RALGPS1: variants seen among roughly 807,000 people sequenced by gnomAD.
RALGPS1 encodes the protein Ral GEF with PH domain and SH3 binding motif 1.
In RALGPS1, 19 loss-of-function variants were observed where a neutral mutation model predicts 78.8. The ratio of observed to expected loss-of-function variants is 0.24; its 90% CI spans 0.17 to 0.35. The LOEUF (loss-of-function observed/expected upper bound fraction) is 0.35, where lower values mean the gene tolerates loss of function less well. Among genes scored for constraint, RALGPS1 ranks in the 10% least tolerant of loss-of-function variants. The probability of loss-of-function intolerance (pLI) is 1.00; values close to 1 mark genes in which losing one functional copy is unlikely to be tolerated. For synonymous variants in RALGPS1, 228 were observed against 256.3 expected (o/e 0.89, Z 1.06); for missense variants, 454 against 688.3 (o/e 0.66, Z 3.81).
chr9:127,125,426 A>G (rs1318041047), intron 8 of RALGPS1, among the ~76,000 whole-genome samples: 1 of 152,190 alleles, frequency 6.6e-6, no homozygotes, highest in Non-Finnish European at 1.5e-5. Context: ...TCTCTCACTA[A>G]TCTCGGGCAA....
chr9:126,977,202 A>G (rs1421494618), intron 3 of RALGPS1, among the ~76,000 whole-genome samples: 3 of 152,198 alleles, frequency 2.0e-5, no homozygotes, highest in South Asian at 2.1e-4. Context: ...GCACTCTACC[A>G]TATAATTTAG....
intron 1 of RALGPS1, among the ~76,000 whole-genome samples, chr9:126,928,996 A>G (rs1196398465): frequency 6.6e-6 from 1 of 152,176 alleles, no homozygotes; most frequent in African/African-American, 2.4e-5. Flanking sequence ...TCATTAGAGA[A>G]TTATTGCATG....
intron 4 of RALGPS1, among the ~76,000 whole-genome samples, chr9:127,011,230 TG>T (rs1341628835): frequency 6.6e-6 from 1 of 151,676 alleles, no homozygotes; most frequent in Non-Finnish European, 1.5e-5. Context: ...CAGGCTGGAG[TG>T]CAGTGGCGTG....
chr9:126,990,688 C>T (rs944838169), intron 4 of RALGPS1, among the ~76,000 whole-genome samples: 3 of 152,242 alleles, frequency 2.0e-5, no homozygotes, highest in African/African-American at 7.2e-5. Flanking sequence ...TGCTCCCTCT[C>T]ATAGCCGCCT....
intron 8 of RALGPS1, among the ~76,000 whole-genome samples, chr9:127,089,625 G>T (rs1234515448): frequency 1.3e-5 from 2 of 152,194 alleles, no homozygotes; most frequent in Non-Finnish European, 2.9e-5. Context: ...GAATGACAAA[G>T]AAAGTGTTTA....
chr9:127,151,800 C>T lies in RALGPS1; in HGVS notation c.611-14269C>T, dbSNP rs372831411. Among the ~76,000 whole-genome samples the T allele has an allele frequency of 2.8e-4, 42 of 151,590 alleles. No individual in the cohort carries two copies. In the East Asian group the frequency reaches 3.3e-3, roughly 12 times the overall value. ...CCTGGAGCCTGATAAACTCTGAGTT[C>T]TATCCCTAGATACATTCTGGCTAAC... On this transcript the variant is annotated intron_variant, in intron 8 of 18. Coordinates refer to ENST00000259351, the MANE Select transcript of RALGPS1 (RefSeq NM_014636.3).
chr9:127,211,193 T>C lies in RALGPS1; in HGVS notation c.1248-938T>C, dbSNP rs2062232249. On this transcript the variant is annotated intron_variant, in intron 14 of 18. Transcript: ENST00000259351. The surrounding 1 kb of genome is among the most constrained non-coding windows in gnomAD (Gnocchi z 5.0). Reference sequence around the variant, plus strand: ...GAGCTGGAGCCACATCCAGCATGCATCATCCAGCAGGGGTGAGAATGGTGG... The same window carrying C: ...GAGCTGGAGCCACATCCAGCATGCACCATCCAGCAGGGGTGAGAATGGTGG... Among the ~76,000 whole-genome samples, 1 of 152,040 alleles carries C rather than the reference T, an allele frequency of 6.6e-6. No individual in the cohort carries two copies. The highest frequency in any genetic ancestry group is 1.5e-5 in the Non-Finnish European group (1 of 68,006).
chr9:127,116,582 G>C (rs902177351), intron 8 of RALGPS1, among the ~76,000 whole-genome samples: 2 of 152,150 alleles, frequency 1.3e-5, no homozygotes, highest in African/African-American at 4.8e-5. Context: ...CCTACAACTG[G>C]GAAAGCCCTA....
At chr9:127,081,090 C>T (rs1291500147) in intron 8 of RALGPS1, among the ~76,000 whole-genome samples, 1 of 152,212 alleles carries the variant, frequency 6.6e-6, no homozygotes, top group African/African-American at 2.4e-5. Flanking sequence ...ACAGTGCCTA[C>T]TGCTGGAATG....
At chr9:127,066,999 A>G (rs1327554523) in intron 7 of RALGPS1, among the ~76,000 whole-genome samples, 1 of 152,058 alleles carries the variant, frequency 6.6e-6, no homozygotes, top group Non-Finnish European at 1.5e-5. Context: ...TTTACTTACC[A>G]CATTGCTATA....
chr9:127,073,446 TTGTGTGTGTGTGTGTGTGTCTGTG>T (rs1237895998), intron 8 of RALGPS1, among the ~76,000 whole-genome samples: 1 of 88,538 alleles, frequency 1.1e-5, no homozygotes, highest in East Asian at 2.8e-4. Context: ...TAGTACACCA[TTGTGTGTGTGTGTGTGTGTCTGTG>T]TGTGTGTGTG....
At chr9:127,057,033 A>T (rs867022516) in intron 7 of RALGPS1, among the ~76,000 whole-genome samples, 1 of 152,122 alleles carries the variant, frequency 6.6e-6, no homozygotes, top group Non-Finnish European at 1.5e-5. Flanking sequence ...GTAGAGGAGG[A>T]AACTGAGGTT....
At chr9:127,004,686 A>C (rs2043667319) in intron 4 of RALGPS1, among the ~76,000 whole-genome samples, 1 of 152,196 alleles carries the variant, frequency 6.6e-6, no homozygotes, top group Admixed American at 6.5e-5. Flanking sequence ...ATCTTAGCTT[A>C]AGTTGGAAAA....
intron 8 of RALGPS1, chr9:127,069,626 A>G (rs536778298): frequency 4.0e-5 from 14 of 348,428 alleles, no homozygotes; most frequent in East Asian, 3.6e-4. Context: ...ATGGGTCACA[A>G]TGAGAGTGAT....
At chr9:127,161,655 A>G (rs908361534) in intron 8 of RALGPS1, among the ~76,000 whole-genome samples, 9 of 152,322 alleles carry the variant, frequency 5.9e-5, no homozygotes, top group Admixed American at 3.9e-4. Context: ...CAGTAGAGTC[A>G]TGAGCCCTTT....
intron 14 of RALGPS1, among the ~76,000 whole-genome samples, chr9:127,199,343 A>T (rs1010920323): frequency 2.0e-5 from 3 of 152,176 alleles, no homozygotes; most frequent in African/African-American, 7.2e-5. Flanking sequence ...GCCTGTGAGT[A>T]GATTTGGTCC....
At chr9:127,117,402 T>C (rs2055548701) in intron 8 of RALGPS1, among the ~76,000 whole-genome samples, 1 of 152,184 alleles carries the variant, frequency 6.6e-6, no homozygotes, top group African/African-American at 2.4e-5. Context: ...AGAACTTCAT[T>C]TGTATAATGT....
intron 14 of RALGPS1, among the ~76,000 whole-genome samples, chr9:127,208,272 C>A (rs2062040464): frequency 6.6e-6 from 1 of 152,214 alleles, no homozygotes; most frequent in Non-Finnish European, 1.5e-5. Flanking sequence ...ACTGACAAAT[C>A]CCAGGCAGCG....
At chr9:126,986,264 TG>T (rs1222666661) in intron 4 of RALGPS1, among the ~76,000 whole-genome samples, 1 of 152,248 alleles carries the variant, frequency 6.6e-6, no homozygotes, top group Non-Finnish European at 1.5e-5. Context: ...TGTCCCCTGG[TG>T]ACTCTAACGA....
Sources: gnomAD v4.1 joint callset for allele counts (sites outside exome capture counted in the v4.1 genomes callset) on GRCh38, gnomAD v4.1.1 for gene constraint, Gnocchi (gnomAD v3.1) non-coding constraint, MANE v1.5 for transcripts, NCBI Gene and HGNC (gene_info 2026-07-23, HGNC 2026-07-21) for gene names.